The following ANKZF1 variants were observed in gnomAD, a reference collection of about 807,000 sequenced individuals.
ANKZF1 encodes the protein ankyrin repeat and zinc finger peptidyl tRNA hydrolase 1.
A neutral mutation model predicts 86.0 loss-of-function variants in ANKZF1; 84 were observed. That is an observed-to-expected ratio of 0.98 (90% confidence interval 0.82 to 1.17). The LOEUF is 1.17. ANKZF1 is among the 50% of genes most tolerant of loss of function. The pLI is 0.00. For missense variants in ANKZF1, 893 were observed against 918.4 expected (o/e 0.97, Z 0.36); for synonymous variants, 331 against 354.2 (o/e 0.93, Z 0.74).
Position 219,233,161 on chromosome 2 carries a change from C to T in ANKZF1, c.641C>T (p.Ala214Val), listed in dbSNP as rs769785188. 6.2e-7 allele frequency: 1 copy of T among 1,614,114 alleles called. No homozygotes were observed. Among genetic ancestry groups the T allele is most frequent in the African/African-American group, 1.3e-5 (1 of 74,936 alleles). Residue 214 changes from alanine (A) to valine (V), a missense_variant, in exon 6 of 14, where the codon GCT becomes GTT. Ala to Val is a moderately conservative substitution (Grantham distance 64). Transcript: ENST00000323348. ...PRDCVVLMAA[A>V]GHFAGAIFQG... ...GACTGCGTGGTGCTCATGGCTGCAG[C>T]TGGGCACTTTGCTGGTGCTATATTT...
chr2:219,233,241 G>A (rs1157278021), intron 6 of ANKZF1, 45 bp from the exon 7 acceptor site: 5 of 1,614,128 alleles, frequency 3.1e-6, no homozygotes, highest in Non-Finnish European at 4.2e-6. Context: ...CTGTTAGCCA[G>A]GGAGCACCAG....
rs372230672 is a variant in ANKZF1 at position 219,235,128 on chromosome 2, C to G, written c.1507C>G (p.Arg503Gly). The change falls in exon 10 of 14, where the codon CGA becomes GGA. Residue 503 changes from arginine to glycine, a missense_variant. By Grantham distance (125) the Arg-to-Gly change is moderately radical. Coordinates refer to ENST00000323348, the MANE Select transcript of ANKZF1 (RefSeq NM_018089.3). ...ELWNALLAAC[R>G]AGDVGVLKLQ... ...CTGGAATGCACTGCTTGCTGCTTGC[C>G]GAGCTGGAGATGTTGGAGTGCTAAA... is the stretch of plus-strand genomic sequence containing the variant. The G allele has an allele frequency of 1.2e-6, 2 of 1,614,196 alleles. No individual in the cohort carries two copies. The highest frequency in any genetic ancestry group is 2.2e-5 in the South Asian group (2 of 91,086).
chr2:219,234,886 T>G lies in ANKZF1; in HGVS notation c.1265T>G (p.Val422Gly). 1 of 1,614,148 alleles carries G rather than the reference T, an allele frequency of 6.2e-7. No individual in the cohort carries two copies. Among genetic ancestry groups the G allele is most frequent in the Non-Finnish European group, 8.5e-7 (1 of 1,180,032 alleles). The change falls in exon 10 of 14, where the codon GTG becomes GGG. Residue 422 changes from valine to glycine, a missense_variant. Transcript: ENST00000323348. ...GAGTTGGAGCTAGTGGAGTTGACTG[T>G]GGGGACTCTGGATCTTTGTGAGTCT... ...QVELELVELT[V>G]GTLDLCESEV...
intron 2 of ANKZF1, 173 bp downstream of exon 2, chr2:219,230,578 A>G (rs1240690535): frequency 1.2e-6 from 1 of 858,996 alleles, no homozygotes; most frequent in Non-Finnish European, 1.7e-6. Flanking sequence ...CTTGTTTTCA[A>G]ACAAGTCTTT....
rs1268190745 is a variant in ANKZF1 at position 219,231,990 on chromosome 2, A to G, written c.211A>G (p.Lys71Glu). The G allele has an allele frequency of 2.6e-5, 42 of 1,613,674 alleles. No homozygotes were observed. Among genetic ancestry groups the G allele is most frequent in the Non-Finnish European group, 3.6e-5 (42 of 1,179,922 alleles). ...CCAGGGTCCTATGGATATTTCAGAGAAGTTATTTTGTTCAACTTGTGACCA... is the reference window on the plus strand; with the variant it reads ...CCAGGGTCCTATGGATATTTCAGAGGAGTTATTTTGTTCAACTTGTGACCA... ...LLQGPMDISE[K>E]LFCSTCDQTF... Residue 71 changes from lysine (K) to glutamate (E), a missense_variant, in exon 3 of 14, where the codon AAG becomes GAG. Physicochemically the swap from Lys to Glu is moderately conservative, Grantham distance 56. Coordinates refer to ENST00000323348, the MANE Select transcript of ANKZF1 (RefSeq NM_018089.3).
intron 8 of ANKZF1, 55 bp from the exon 9 acceptor site, chr2:219,234,078 C>A: frequency 6.3e-7 from 1 of 1,579,726 alleles, no homozygotes; most frequent in Non-Finnish European, 8.6e-7. Flanking sequence ...TTGAGAGAAA[C>A]CTGCGCTAGC....
chr2:219,230,304 T>G lies in ANKZF1; in HGVS notation c.47T>G (p.Leu16Arg). Residue 16 changes from leucine (L) to arginine (R), a missense_variant, in exon 2 of 14, where the codon CTG (leucine) becomes CGG (arginine). Coordinates refer to ENST00000323348, the MANE Select transcript of ANKZF1 (RefSeq NM_018089.3). ...DAAPAPASIS[L>R]FDLSADAPVF... The stretch of plus-strand genomic sequence containing the variant: ...GCCCCGGCTCCTGCGTCGATCTCCC[T>G]GTTTGACCTCAGCGCGGATGCTCCG... The G allele has an allele frequency of 1.2e-6, 2 of 1,614,032 alleles. No individual in the cohort carries two copies. The highest frequency in any genetic ancestry group is 1.7e-6 in the Non-Finnish European group (2 of 1,179,904).
chr2:219,230,539 T>C, intron 2 of ANKZF1, 134 bp downstream of exon 2: 1 of 1,239,314 alleles, frequency 8.1e-7, no homozygotes, highest in Non-Finnish European at 1.1e-6. Flanking sequence ...TTAAATTCAC[T>C]TAATCTCTGG....
At chr2:219,235,438 G>A (rs1331841069) in intron 10 of ANKZF1, 36 bp from the exon 11 acceptor site, 2 of 1,610,216 alleles carry the variant, frequency 1.2e-6, no homozygotes, top group Non-Finnish European at 1.7e-6. Flanking sequence ...AAGGCAGGAG[G>A]CAAGTTAAAC....
intron 13 of ANKZF1, 64 bp downstream of exon 13, chr2:219,236,159 G>T (rs1324902158): frequency 3.7e-6 from 6 of 1,604,594 alleles, no homozygotes; most frequent in Non-Finnish European, 5.1e-6. Flanking sequence ...GGGGGCAAGA[G>T]AAATGAGTAC....
At chr2:219,234,552 T>C in intron 9 of ANKZF1, 1 of 643,780 alleles carries the variant, frequency 1.6e-6, no homozygotes. Flanking sequence ...TATCTTTGAT[T>C]GGATGCTGTG....
Position 219,235,831 on chromosome 2 carries a change from C to A in ANKZF1, c.1927C>A (p.Arg643=), listed in dbSNP as rs150402081. Residue 643 remains arginine, a synonymous_variant, in exon 12 of 14, where the codon CGA becomes AGA. Transcript: ENST00000323348. ...QRQQEQEERE[R]EEQRRFAALS... ...GCAGCAGGAGCAGGAGGAGCGTGAA[C>A]GAGAAGAGCAGCGGCGATTTGCCGC... is the stretch of plus-strand genomic sequence containing the variant. The A allele has an allele frequency of 0.027, 43,782 of 1,614,152 alleles. 754 individuals carry two copies. Among genetic ancestry groups the A allele is most frequent in the Non-Finnish European group, 0.032 (37,826 of 1,180,024 alleles).
At position 219,236,082 on chromosome 2, in the gene ANKZF1, A is replaced by G. The variant is rs201655388; in HGVS notation, c.2044A>G (p.Ile682Val). ...APTSPIPDSA[I>V]VNTRRCWSCG... ...TACCTCTCCAATCCCTGACTCTGCA[A>G]TCGTCAATACTCGGTATGGGGTGCG... The change falls in exon 13 of 14, where the codon ATC becomes GTC. Residue 682 changes from isoleucine to valine, a missense_variant. Coordinates refer to ENST00000323348, the MANE Select transcript of ANKZF1 (RefSeq NM_018089.3). 1 of 1,614,180 alleles carries G rather than the reference A, an allele frequency of 6.2e-7. No individual in the cohort carries two copies. The highest frequency in any genetic ancestry group is 8.5e-7 in the Non-Finnish European group (1 of 1,180,044).
At chr2:219,231,905 C>T in intron 2 of ANKZF1, 23 bp from the exon 3 acceptor site, 2 of 1,598,152 alleles carry the variant, frequency 1.3e-6, no homozygotes, top group African/African-American at 1.3e-5. Context: ...CTTTCTATGT[C>T]CAATTCCTCT....
chr2:219,235,339 A>G, intron 10 of ANKZF1, 27 bp downstream of exon 10: 4 of 1,600,568 alleles, frequency 2.5e-6, no homozygotes, highest in Non-Finnish European at 3.4e-6. Flanking sequence ...ATCCTGAGTC[A>G]TTTTGGGTAT....
Position 219,233,774 on chromosome 2 carries a change from A to G in ANKZF1, c.879A>G (p.Thr293=). 1 of 1,614,118 alleles carries G rather than the reference A, an allele frequency of 6.2e-7. No individual in the cohort carries two copies. The highest frequency in any genetic ancestry group is 8.5e-7 in the Non-Finnish European group (1 of 1,180,042). ...SWAKALEEAG[T]ILLRAPRSGR... is the part of the protein sequence containing the mutation. ...CTAAGGCGCTGGAGGAGGCTGGTAC[A>G]ATACTGTTGCGTGCTCCCCGCTCTG... is the stretch of plus-strand genomic sequence containing the variant. The change falls in exon 8 of 14, where the codon ACA becomes ACG. Residue 293 remains threonine, a synonymous_variant. Coordinates refer to ENST00000323348, the MANE Select transcript of ANKZF1 (RefSeq NM_018089.3).
chr2:219,233,940 T>C lies in ANKZF1; in HGVS notation c.1045T>C (p.Tyr349His), dbSNP rs1325261678. The C allele has an allele frequency of 3.2e-6, 5 of 1,566,064 alleles. No homozygotes were observed. The highest frequency in any genetic ancestry group is 1.7e-4 in the Middle Eastern group (1 of 5,806). ...CCATAAGCTGACCACTTTGCATGTC[T>C]ATGGTGAGCCTTTGCTCCAGATCCC... is the stretch of plus-strand genomic sequence containing the variant. The part of the protein sequence containing the change: ...VLHKLTTLHV[Y>H]EEDPREAVRL... Residue 349 changes from tyrosine to histidine, a missense_variant, in exon 8 of 14, where the codon TAT (tyrosine) becomes CAT (histidine). By Grantham distance (83) the Tyr-to-His change is moderately conservative. Coordinates refer to ENST00000323348, the MANE Select transcript of ANKZF1 (RefSeq NM_018089.3).
chr2:219,235,904 C>T, intron 12 of ANKZF1, 29 bp downstream of exon 12: 1 of 1,613,782 alleles, frequency 6.2e-7, no homozygotes, highest in South Asian at 1.1e-5. Context: ...TTGTCCATGG[C>T]AAGGCTTCCT....
In ANKZF1 at chr2:219,233,193, T is replaced by C; in HGVS notation, c.671+2T>C. On this transcript the variant is annotated splice_donor_variant, in intron 6 of 13. Coordinates refer to ENST00000323348, the MANE Select transcript of ANKZF1 (RefSeq NM_018089.3). LOFTEE classifies it high-confidence loss of function. ...CTTTGCTGGTGCTATATTTCAAGGGTGAGAGGGTGCTGCATGGGGGTAAGG... is the reference window on the plus strand; with the variant it reads ...CTTTGCTGGTGCTATATTTCAAGGGCGAGAGGGTGCTGCATGGGGGTAAGG... The C allele has an allele frequency of 6.2e-7, 1 of 1,614,120 alleles. No individual in the cohort carries two copies. Among genetic ancestry groups the C allele is most frequent in the Non-Finnish European group, 8.5e-7 (1 of 1,180,016 alleles).
Sources: gnomAD v4.1 joint callset for allele counts on GRCh38, gnomAD v4.1.1 for gene constraint, MANE v1.5 for transcripts, NCBI Gene and HGNC (gene_info 2026-07-23, HGNC 2026-07-21) for gene names.